ALG10B: variants seen among roughly 807,000 people sequenced by gnomAD.
The protein encoded by ALG10B is dol-P-Glc:Glc(2)Man(9)GlcNAc(2)-PP-Dol alpha-1,2-glucosyltransferase B.
In ALG10B, 27 loss-of-function variants were observed where a neutral mutation model predicts 38.7. That is an observed-to-expected ratio of 0.70 (90% CI 0.51 to 0.96). The LOEUF is 0.96. ALG10B is among the 40% of genes least tolerant of loss of function. The pLI is 0.00. For missense variants in ALG10B, 522 were observed against 542.7 expected (o/e 0.96, Z 0.38); for synonymous variants, 177 against 193.3 (o/e 0.92, Z 0.70).
chr12:38,316,850 AT>A lies in ALG10B; in HGVS notation c.-40del, dbSNP rs1005701481. 6.2e-7 allele frequency: 1 copy of A among 1,613,588 alleles called. No individual in the cohort carries two copies. The highest frequency in any genetic ancestry group is 8.5e-7 in the Non-Finnish European group (1 of 1,179,868). On this transcript the variant is annotated 5_prime_UTR_variant, in exon 1 of 3. Coordinates refer to ENST00000308742, the MANE Select transcript of ALG10B (RefSeq NM_001013620.4). The stretch of plus-strand genomic sequence containing the variant: ...TCCAGCTCGGGTTTCCGGGCTCAGA[AT>A]TTTCCAGGAGTGGGTTCTTGGGCAG...
Position 38,328,103 on chromosome 12 carries a change from G to A in ALG10B, c.*6890G>A, listed in dbSNP as rs1945761607. The A allele has an allele frequency of 6.6e-6, 1 of 152,134 alleles. No homozygotes were observed. Among genetic ancestry groups the A allele is most frequent in the South Asian group, 2.1e-4 (1 of 4,826 alleles). 9.4% of individuals were successfully genotyped at this position (152,134 alleles called of 1,614,324 possible). A position where few individuals can be genotyped will look rare whatever the true frequency, so the allele number is the denominator to read the frequency against. On this transcript the variant is annotated 3_prime_UTR_variant, in exon 3 of 3. Coordinates refer to ENST00000308742, the MANE Select transcript of ALG10B (RefSeq NM_001013620.4). Reference sequence around the variant, plus strand: ...TATTTATCAAAGATACTACACAAGAGTTAGATAGCAAGTAGTTCAAATGTC... The same window carrying A: ...TATTTATCAAAGATACTACACAAGAATTAGATAGCAAGTAGTTCAAATGTC...
Position 38,316,901 on chromosome 12 carries a change from A to C in ALG10B, c.8A>C (p.Gln3Pro), listed in dbSNP as rs773351003. 3.1e-6 allele frequency: 5 copies of C among 1,613,926 alleles called. No individual in the cohort carries two copies. In the African/African-American group the frequency reaches 6.7e-5, roughly 22 times the overall value. ...GTGGCTGTGGGAGCAGGAATGGCGC[A>C]GCTAGAGGGTTACTGTTTCTCGGCC... The part of the protein sequence containing the change: MA[Q>P]LEGYCFSAAL... Residue 3 changes from glutamine to proline, a missense_variant, in exon 1 of 3, where the codon CAG becomes CCG. By Grantham distance (76) the Gln-to-Pro change is moderately conservative. Transcript: ENST00000308742.
Position 38,326,219 on chromosome 12 carries a change from T to G in ALG10B, c.*5006T>G, listed in dbSNP as rs1945743168. On this transcript the variant is annotated 3_prime_UTR_variant, in exon 3 of 3. Coordinates refer to ENST00000308742, the MANE Select transcript of ALG10B (RefSeq NM_001013620.4). ...ATTATTTTATTTTATTTTATTTTATTTTTTAGCTCATCAGCTATCATTAGT... is the reference window on the plus strand; with the variant it reads ...ATTATTTTATTTTATTTTATTTTATGTTTTAGCTCATCAGCTATCATTAGT... The G allele has an allele frequency of 1.3e-5, 2 of 151,586 alleles. No homozygotes were observed. The highest frequency in any genetic ancestry group is 6.6e-5 in the Admixed American group (1 of 15,244). 9.4% of individuals were successfully genotyped at this position (151,586 alleles called of 1,614,324 possible). A position where few individuals can be genotyped will look rare whatever the true frequency, so the allele number is the denominator to read the frequency against.
Position 38,323,710 on chromosome 12 carries a change from A to G in ALG10B, c.*2497A>G, listed in dbSNP as rs1260262311. On this transcript the variant is annotated 3_prime_UTR_variant, in exon 3 of 3. Coordinates refer to ENST00000308742, the MANE Select transcript of ALG10B (RefSeq NM_001013620.4). ...CTCAGAAAATAGATCGGCATTAGTTATAACAGTGATTGTAGAAAAACGTGT... is the reference window on the plus strand; with the variant it reads ...CTCAGAAAATAGATCGGCATTAGTTGTAACAGTGATTGTAGAAAAACGTGT... 1.7e-6 allele frequency: 1 copy of G among 585,732 alleles called. No homozygotes were observed. Among genetic ancestry groups the G allele is most frequent in the Admixed American group, 3.0e-5 (1 of 33,406 alleles). The allele number at this position is 585,732 out of a possible 1,614,324, so 36.3% of individuals were successfully genotyped here. A position where few individuals can be genotyped will look rare whatever the true frequency, so the allele number is the denominator to read the frequency against.
rs1248416848 is a variant in ALG10B at position 38,322,116 on chromosome 12, T to C, written c.*903T>C. The C allele has an allele frequency of 6.6e-6, 1 of 152,214 alleles. No homozygotes were observed. Among genetic ancestry groups the C allele is most frequent in the Non-Finnish European group, 1.5e-5 (1 of 68,040 alleles). The allele number at this position is 152,214 out of a possible 1,614,324, so 9.4% of individuals were successfully genotyped here. The stretch of plus-strand genomic sequence containing the variant: ...AATCCATTCTATGTCTGTTTCCTAA[T>C]ATCTTGTGGCTGTCTGCAATTCTTG... On this transcript the variant is annotated 3_prime_UTR_variant, in exon 3 of 3. Coordinates refer to ENST00000308742, the MANE Select transcript of ALG10B (RefSeq NM_001013620.4).
rs1378715615 is a variant in ALG10B at position 38,321,635 on chromosome 12, A to G, written c.*422A>G. On this transcript the variant is annotated 3_prime_UTR_variant, in exon 3 of 3. Transcript: ENST00000308742. ...CATTGAAAGTAATGGCAAAACCACA[A>G]TTACTTTTGTACCAACCTAATAACA... 2.0e-5 allele frequency: 3 copies of G among 152,886 alleles called. No individual in the cohort carries two copies. The highest frequency in any genetic ancestry group is 4.4e-5 in the Non-Finnish European group (3 of 68,276). 9.5% of individuals were successfully genotyped at this position (152,886 alleles called of 1,614,324 possible).
Position 38,327,670 on chromosome 12 carries a change from A to T in ALG10B, c.*6457A>T, listed in dbSNP as rs1280712383. On this transcript the variant is annotated 3_prime_UTR_variant, in exon 3 of 3. Coordinates refer to ENST00000308742, the MANE Select transcript of ALG10B (RefSeq NM_001013620.4). ...TTTTCAATTTTTTTTAAATCAAAAG[A>T]AGTAGTATATGGAGAGAGAGGTGAA... 1 of 152,058 alleles carries T rather than the reference A, an allele frequency of 6.6e-6. No individual in the cohort carries two copies. Among genetic ancestry groups the T allele is most frequent in the South Asian group, 2.1e-4 (1 of 4,820 alleles). 9.4% of individuals were successfully genotyped at this position (152,058 alleles called of 1,614,324 possible). A position where few individuals can be genotyped will look rare whatever the true frequency, so the allele number is the denominator to read the frequency against.
rs557598793 is a variant in ALG10B, at chr12:38,319,657, T to G, written c.370-504T>G. Reference sequence around the variant, plus strand: ...GTTATTTCATCATGAAAATATCATCTTGAAAAAGTAAGTCTGGATATGGTA... The same window carrying G: ...GTTATTTCATCATGAAAATATCATCGTGAAAAAGTAAGTCTGGATATGGTA... On this transcript the variant is annotated intron_variant, in intron 2 of 2. Transcript: ENST00000308742. 1.1e-4 allele frequency among the ~76,000 whole-genome samples: 17 copies of G among 152,328 alleles called. No homozygotes were observed. The South Asian group carries it at 2.3e-3, about 20-fold the overall frequency.
Position 38,320,246 on chromosome 12 carries a change from C to T in ALG10B, c.455C>T (p.Thr152Ile), listed in dbSNP as rs1945689371. The T allele has an allele frequency of 6.2e-7, 1 of 1,614,002 alleles. No individual in the cohort carries two copies. The change falls in exon 3 of 3, where the codon ACA becomes ATA. Residue 152 changes from threonine (T) to isoleucine (I), a missense_variant. Thr to Ile is a moderately conservative substitution (Grantham distance 89, BLOSUM62 -1). Coordinates refer to ENST00000308742, the MANE Select transcript of ALG10B (RefSeq NM_001013620.4). ...TATTTTTTTAACTTCCTTTATTATA[C>T]AGAAGCAGGATCTATGTTTTTTACT... is the stretch of plus-strand genomic sequence containing the variant. Reference protein sequence around the residue: ...TLYFFNFLYYTEAGSMFFTLF... With the variant: ...TLYFFNFLYYIEAGSMFFTLF...
rs1405227357 is a variant in ALG10B, at chr12:38,323,780, G to C, written c.*2567G>C. 1 of 642,344 alleles carries C rather than the reference G, an allele frequency of 1.6e-6. No homozygotes were observed. Among genetic ancestry groups the C allele is most frequent in the Non-Finnish European group, 2.8e-6 (1 of 361,588 alleles). 39.8% of individuals were successfully genotyped at this position (642,344 alleles called of 1,614,324 possible). ...AATTAGATGAGAGAGGACACTCAAA[G>C]AAATTATACTTTTGTCATTAATTTA... On this transcript the variant is annotated 3_prime_UTR_variant, in exon 3 of 3. Coordinates refer to ENST00000308742, the MANE Select transcript of ALG10B (RefSeq NM_001013620.4).
chr12:38,319,503 T>C (rs1773216623), intron 2 of ALG10B, among the ~76,000 whole-genome samples: 1 of 152,144 alleles, frequency 6.6e-6, no homozygotes, highest in Non-Finnish European at 1.5e-5. Flanking sequence ...TGGTCTGATT[T>C]AGTGATTTAG....
In ALG10B at chr12:38,321,321, G is replaced by T. The variant is rs1945703457; in HGVS notation, c.*108G>T. ...GGAATTTCTTTTAGGTGCAGTGGTG[G>T]TCCTCAAATTACATTAGTTTTTTTA... On this transcript the variant is annotated 3_prime_UTR_variant, in exon 3 of 3. Transcript: ENST00000308742. 2 of 1,146,246 alleles carry T rather than the reference G, an allele frequency of 1.7e-6. No homozygotes were observed. The highest frequency in any genetic ancestry group is 2.4e-6 in the Non-Finnish European group (2 of 821,722). The allele number at this position is 1,146,246 out of a possible 1,614,324, so 71.0% of individuals were successfully genotyped here.
At position 38,321,052 on chromosome 12, in the gene ALG10B, C is replaced by A; in HGVS notation, c.1261C>A (p.Pro421Thr). Residue 421 changes from proline to threonine, a missense_variant, in exon 3 of 3, where the codon CCT (proline) becomes ACT (threonine). Coordinates refer to ENST00000308742, the MANE Select transcript of ALG10B (RefSeq NM_001013620.4). ...KLLEFRYFILPYVIYRLNITL... is the reference protein window; with the variant it reads ...KLLEFRYFILTYVIYRLNITL... Reference sequence around the variant, plus strand: ...GCTGGAATTTCGTTACTTCATTTTACCTTATGTCATTTATAGGCTTAACAT... The same window carrying A: ...GCTGGAATTTCGTTACTTCATTTTAACTTATGTCATTTATAGGCTTAACAT... 1.9e-6 allele frequency: 3 copies of A among 1,613,734 alleles called. No individual in the cohort carries two copies. Among genetic ancestry groups the A allele is most frequent in the Non-Finnish European group, 2.5e-6 (3 of 1,179,786 alleles).
At chr12:38,318,578 TA>T in intron 2 of ALG10B, 120 bp downstream of exon 2, 1 of 1,216,524 alleles carries the variant, frequency 8.2e-7, no homozygotes, top group African/African-American at 1.5e-5. Context: ...GTATTTTTTG[TA>T]TATTATGTAA....
rs1945658698 is a variant in ALG10B, at chr12:38,316,798, C to G, written c.-96C>G. 3 of 1,605,032 alleles carry G rather than the reference C, an allele frequency of 1.9e-6. No homozygotes were observed. Among genetic ancestry groups the G allele is most frequent in the African/African-American group, 2.7e-5 (2 of 74,828 alleles). Reference sequence around the variant, plus strand: ...TGTGGCCCCGTCTGGCTAGTCCTGTCTAGCGCGCCCATTTCGAGCCCAAGT... The same window carrying G: ...TGTGGCCCCGTCTGGCTAGTCCTGTGTAGCGCGCCCATTTCGAGCCCAAGT... On this transcript the variant is annotated 5_prime_UTR_variant, in exon 1 of 3. Coordinates refer to ENST00000308742, the MANE Select transcript of ALG10B (RefSeq NM_001013620.4).
chr12:38,320,930 C>G lies in ALG10B; in HGVS notation c.1139C>G (p.Ala380Gly). 1 of 1,613,740 alleles carries G rather than the reference C, an allele frequency of 6.2e-7. No homozygotes were observed. The highest frequency in any genetic ancestry group is 8.5e-7 in the Non-Finnish European group (1 of 1,179,876). ...KYLLVPAYIFAGWSIADSLKS... is the reference protein window; with the variant it reads ...KYLLVPAYIFGGWSIADSLKS... ...TTGTTAGTTCCAGCCTATATATTTG[C>G]TGGTTGGAGTATAGCTGACTCATTG... The change falls in exon 3 of 3, where the codon GCT becomes GGT. Residue 380 changes from alanine to glycine, a missense_variant. Ala to Gly is a moderately conservative substitution (Grantham distance 60). Transcript: ENST00000308742.
chr12:38,317,142 G>A lies in ALG10B; in HGVS notation c.171+78G>A, dbSNP rs570238828. The A allele has an allele frequency of 5.6e-6, 9 of 1,598,040 alleles. No homozygotes were observed. In the Middle Eastern group the frequency reaches 5.6e-4, roughly 100 times the overall value. ...TCCCCAGCTCCTTCTCCCATCTTTA[G>A]ACTTAACTCGTCCCTTTCCACCCCA... On this transcript the variant is annotated intron_variant, in intron 1 of 2. Coordinates refer to ENST00000308742, the MANE Select transcript of ALG10B (RefSeq NM_001013620.4).
Position 38,328,938 on chromosome 12 carries a change from G to A in ALG10B, c.*7725G>A, listed in dbSNP as rs1591942361. 1 of 337,702 alleles carries A rather than the reference G, an allele frequency of 3.0e-6. No homozygotes were observed. The highest frequency in any genetic ancestry group is 2.1e-5 in the African/African-American group (1 of 47,386). The allele number at this position is 337,702 out of a possible 1,614,324, so 20.9% of individuals were successfully genotyped here. A position where few individuals can be genotyped will look rare whatever the true frequency, so the allele number is the denominator to read the frequency against. On this transcript the variant is annotated 3_prime_UTR_variant, in exon 3 of 3. Coordinates refer to ENST00000308742, the MANE Select transcript of ALG10B (RefSeq NM_001013620.4). ...TCTATGAGATCAGTACCGTACACAT[G>A]GGGAAACTTAGTATAGAGAGGTGAA... is the stretch of plus-strand genomic sequence containing the variant.
chr12:38,320,193 A>G lies in ALG10B; in HGVS notation c.402A>G (p.Thr134=). ...AASSIQRVLS[T]LTLAVFPTLY... is the part of the protein sequence containing the mutation. ...CAAGTATCCAGAGAGTCTTGTCAACATTAACACTAGCAGTATTTCCAACAC... is the reference window on the plus strand; with the variant it reads ...CAAGTATCCAGAGAGTCTTGTCAACGTTAACACTAGCAGTATTTCCAACAC... The change falls in exon 3 of 3, where the codon ACA becomes ACG. Residue 134 remains threonine (T), a synonymous_variant. Transcript: ENST00000308742. 1 of 1,614,024 alleles carries G rather than the reference A, an allele frequency of 6.2e-7. No homozygotes were observed. The highest frequency in any genetic ancestry group is 8.5e-7 in the Non-Finnish European group (1 of 1,179,918).
Sources: gnomAD v4.1 joint callset for allele counts (sites outside exome capture counted in the v4.1 genomes callset) on GRCh38, gnomAD v4.1.1 for gene constraint, MANE v1.5 for transcripts, NCBI Gene and HGNC (gene_info 2026-07-23, HGNC 2026-07-21) for gene names.